GALK2: variants seen among roughly 807,000 people sequenced by gnomAD.
GALK2 encodes galactokinase 2.
A neutral mutation model predicts 52.4 loss-of-function variants in GALK2; 36 were observed. That is an observed-to-expected ratio of 0.69 (90% CI 0.53 to 0.91). The LOEUF (loss-of-function observed/expected upper bound fraction) is 0.91. GALK2 is among the 40% of genes least tolerant of loss of function. The probability of loss-of-function intolerance (pLI) is 0.00; values close to 1 mark genes in which losing one functional copy is unlikely to be tolerated. For synonymous variants in GALK2, 176 were observed against 199.1 expected (o/e 0.88, Z 0.98); for missense variants, 579 against 559.1 (o/e 1.04, Z -0.36).
At chr15:49,207,174 C>A (rs2088365104) in intron 2 of GALK2, among the ~76,000 whole-genome samples, 1 of 152,122 alleles carries the variant, frequency 6.6e-6, no homozygotes. Flanking sequence ...TCCCTGCATC[C>A]CTGGTGTGAA....
intron 3 of GALK2, among the ~76,000 whole-genome samples, chr15:49,218,668 A>G (rs763034338): frequency 1.2e-4 from 18 of 152,328 alleles, no homozygotes; most frequent in South Asian, 2.1e-4. Context: ...TTGTGTAAGT[A>G]TATCTTAATT....
upstream of GALK2, among the ~76,000 whole-genome samples, chr15:49,165,421 C>T (rs1371138217): frequency 6.6e-6 from 1 of 152,110 alleles, no homozygotes; most frequent in East Asian, 1.9e-4. Flanking sequence ...TAATTTATTC[C>T]TTCATTAAAC....
chr15:49,226,245 C>G (rs1020073339), intron 3 of GALK2, among the ~76,000 whole-genome samples: 19 of 152,212 alleles, frequency 1.2e-4, no homozygotes, highest in African/African-American at 3.6e-4. Flanking sequence ...ATCTCTTGTA[C>G]CTAGGATTGG....
At chr15:49,223,204 T>G (rs1449654439) in intron 3 of GALK2, 1 of 152,310 alleles carries the variant, frequency 6.6e-6, no homozygotes, top group Non-Finnish European at 1.5e-5. Context: ...TCTGATAAGC[T>G]TTTGTATTTC....
intron 5 of GALK2, among the ~76,000 whole-genome samples, chr15:49,265,625 A>T (rs1293661586): frequency 1.3e-5 from 2 of 152,196 alleles, no homozygotes; most frequent in East Asian, 3.9e-4. Flanking sequence ...TGAACCCAGT[A>T]CCTCAGATGG....
chr15:49,173,828 C>T (rs796400843), intron 1 of GALK2, among the ~76,000 whole-genome samples: 57 of 152,198 alleles, frequency 3.7e-4, no homozygotes, highest in African/African-American at 1.3e-3. Context: ...CTGCAGCCTC[C>T]GCTCTTGGGT....
In GALK2 at chr15:49,330,798, A is replaced by T. The variant is rs1024853442; in HGVS notation, c.*2639A>T. ...ATATTTTTGTGTGTGGATGTAAAAA[A>T]TAGTCCTTAGCTGGGAGTGGTGGCA... On this transcript the variant is annotated 3_prime_UTR_variant, in exon 10 of 10. Transcript: ENST00000560031. 1 of 152,088 alleles carries T rather than the reference A, an allele frequency of 6.6e-6. No homozygotes were observed. Among genetic ancestry groups the T allele is most frequent in the African/African-American group, 2.4e-5 (1 of 41,400 alleles). The allele number at this position is 152,088 out of a possible 1,614,324, so 9.4% of individuals were successfully genotyped here.
Position 49,195,595 on chromosome 15 carries a change from A to G in GALK2, c.54-5567A>G, listed in dbSNP as rs185234925. Among the ~76,000 whole-genome samples, 12 of 152,018 alleles carry G rather than the reference A, an allele frequency of 7.9e-5. No individual in the cohort carries two copies. The East Asian group carries it at 2.3e-3, about 29-fold the overall frequency. ...TCCTGTTACCTTAGTGAATTCTTTT[A>G]TTATTCAAGTTGGTTTTATCATTAC... On this transcript the variant is annotated intron_variant, in intron 1 of 9. Coordinates refer to ENST00000560031, the MANE Select transcript of GALK2 (RefSeq NM_002044.4).
At chr15:49,268,713 T>C (rs2029879564) in intron 5 of GALK2, among the ~76,000 whole-genome samples, 1 of 152,166 alleles carries the variant, frequency 6.6e-6, no homozygotes, top group Admixed American at 6.5e-5. Context: ...TTTCTCCCCT[T>C]CTTCTACTGT....
Position 49,205,394 on chromosome 15 carries a change from C to G in GALK2, c.142+4144C>G, listed in dbSNP as rs117004299. On this transcript the variant is annotated intron_variant, in intron 2 of 9. Transcript: ENST00000560031. ...CACCACATCCACACCAACATCTACT[C>G]TTTTTTGATTTTTAGATTATGGCCA... is the stretch of plus-strand genomic sequence containing the variant. Among the ~76,000 whole-genome samples the G allele has an allele frequency of 3.0e-4, 46 of 152,238 alleles. 2 individuals carry two copies. The East Asian group carries it at 8.9e-3, about 29-fold the overall frequency.
At chr15:49,257,007 A>C (rs991174418) in intron 5 of GALK2, among the ~76,000 whole-genome samples, 2 of 152,160 alleles carry the variant, frequency 1.3e-5, no homozygotes, top group Non-Finnish European at 2.9e-5. Flanking sequence ...TTTAATCCAG[A>C]GGATTTATTC....
rs566686905 is a variant in GALK2 at position 49,162,825 on chromosome 15, T to C, written c.20+6809T>C. 9.1e-4 allele frequency among the ~76,000 whole-genome samples: 139 copies of C among 152,366 alleles called. 5 individuals are homozygous for C. In the South Asian group the frequency reaches 0.028, roughly 30 times the overall value. On this transcript the variant is annotated intron_variant, in intron 1 of 9. Coordinates refer to the GALK2 transcript ENST00000327171. Reference sequence around the variant, plus strand: ...TGACAGCCCACAAGGAACTGAATGCTGCTAACAGCCATGTGCTCTTGGAAG... The same window carrying C: ...TGACAGCCCACAAGGAACTGAATGCCGCTAACAGCCATGTGCTCTTGGAAG...
intron 4 of GALK2, among the ~76,000 whole-genome samples, chr15:49,238,072 C>T (rs1299139502): frequency 3.3e-5 from 5 of 152,066 alleles, no homozygotes; most frequent in Non-Finnish European, 5.9e-5. Context: ...CTTTTATTTG[C>T]AGAATTTTGT....
chr15:49,273,954 G>A (rs1184994333), intron 5 of GALK2, among the ~76,000 whole-genome samples: 1 of 152,134 alleles, frequency 6.6e-6, no homozygotes, highest in Non-Finnish European at 1.5e-5. Context: ...CAAAGATGTG[G>A]GTTTAGGGGA....
At chr15:49,358,005 G>C (rs969028644) in intron 3 of GALK2, among the ~76,000 whole-genome samples, 4 of 151,972 alleles carry the variant, frequency 2.6e-5, no homozygotes, top group Admixed American at 2.6e-4. Context: ...TATCTCAATA[G>C]ATGCAGAAAA....
At chr15:49,213,471 G>A (rs999583808) in intron 2 of GALK2, among the ~76,000 whole-genome samples, 5 of 152,010 alleles carry the variant, frequency 3.3e-5, no homozygotes, top group Non-Finnish European at 5.9e-5. Context: ...TTTAAGCCCC[G>A]CATGCATTAG....
At chr15:49,279,019 C>T (rs2032308363) in intron 5 of GALK2, among the ~76,000 whole-genome samples, 1 of 152,208 alleles carries the variant, frequency 6.6e-6, no homozygotes, top group Non-Finnish European at 1.5e-5. Flanking sequence ...TCCCGAGACT[C>T]ACTCACTATC....
chr15:49,219,200 A>G (rs1466563970), intron 3 of GALK2, among the ~76,000 whole-genome samples: 1 of 152,162 alleles, frequency 6.6e-6, no homozygotes, highest in African/African-American at 2.4e-5. Context: ...CACAATTCCC[A>G]CGTGTCCTGG....
At chr15:49,325,246 G>A (rs1482695979) in intron 9 of GALK2, among the ~76,000 whole-genome samples, 1 of 152,206 alleles carries the variant, frequency 6.6e-6, no homozygotes, top group Non-Finnish European at 1.5e-5. Context: ...GCTTTATAAA[G>A]TAGAGGCTGC....
Sources: allele counts gnomAD v4.1 joint callset (sites outside exome capture counted in the v4.1 genomes callset), GRCh38; gene constraint gnomAD v4.1.1; transcripts MANE v1.5; gene names NCBI Gene and HGNC (gene_info 2026-07-23, HGNC 2026-07-21).